Variants in RORA observed in about 807,000 individuals in gnomAD.
RORA encodes nuclear receptor ROR-alpha.
RORA carries 7 observed loss-of-function variants against 69.5 expected under a neutral mutation model. The ratio of observed to expected loss-of-function variants is 0.10; its 90% confidence interval spans 0.06 to 0.19. The LOEUF is 0.19. Among genes scored for constraint, RORA ranks in the 10% least tolerant of loss-of-function variants. RORA has a pLI of 1.00. For missense variants in RORA, 457 were observed against 663.0 expected, an observed-to-expected ratio of 0.69 and a Z score of 3.41; for synonymous variants, 261 against 240.8, an observed-to-expected ratio of 1.08 and a Z score of -0.78.
At chr15:60,981,325 T>C (rs1305307278) in intron 1 of RORA, among the ~76,000 whole-genome samples, 1 of 152,152 alleles carries the variant, frequency 6.6e-6, no homozygotes, top group Admixed American at 6.5e-5. Flanking sequence ...TTCATTGAGC[T>C]TTTTGTATGT....
At chr15:60,515,809 A>G (rs1461177158) in intron 3 of RORA, among the ~76,000 whole-genome samples, 1 of 145,690 alleles carries the variant, frequency 6.9e-6, no homozygotes, top group Non-Finnish European at 1.5e-5. Flanking sequence ...GGCTCAAGCC[A>G]TCCTCCTGCC....
chr15:60,502,721 G>A, intron 8 of RORA, 39 bp downstream of exon 8: 1 of 1,224,144 alleles, frequency 8.2e-7, no homozygotes, highest in Non-Finnish European at 1.2e-6. Flanking sequence ...TTTTCCTATA[G>A]CCCTGATTTG....
At chr15:60,925,420 A>C (rs1892185732) in intron 1 of RORA, among the ~76,000 whole-genome samples, 1 of 152,244 alleles carries the variant, frequency 6.6e-6, no homozygotes, top group African/African-American at 2.4e-5. Context: ...GTTGAGTTAC[A>C]CATATTGTTT....
intron 2 of RORA, among the ~76,000 whole-genome samples, chr15:60,602,534 T>A (rs1203130094): frequency 6.6e-6 from 1 of 152,198 alleles, no homozygotes; most frequent in Non-Finnish European, 1.5e-5. Flanking sequence ...CATGTTAGAT[T>A]TAGGCGTAAC....
intron 1 of RORA, among the ~76,000 whole-genome samples, chr15:60,969,320 G>C (rs923573995): frequency 1.3e-5 from 2 of 152,110 alleles, no homozygotes; most frequent in African/African-American, 2.4e-5. Flanking sequence ...AGGAAATCAT[G>C]GTTTCCTATT....
intron 2 of RORA, among the ~76,000 whole-genome samples, chr15:60,590,527 A>G (rs1346013205): frequency 6.6e-6 from 1 of 152,196 alleles, no homozygotes; most frequent in Non-Finnish European, 1.5e-5. Context: ...CTTTCCTCCA[A>G]TCAACACAAA....
At chr15:61,020,270 C>T (rs961529876) in intron 1 of RORA, among the ~76,000 whole-genome samples, 1 of 152,198 alleles carries the variant, frequency 6.6e-6, no homozygotes, top group Non-Finnish European at 1.5e-5. Context: ...TGTCACTTAA[C>T]ATTCCATCCT....
intron 1 of RORA, among the ~76,000 whole-genome samples, chr15:61,170,953 G>A (rs1289443321): frequency 3.3e-5 from 5 of 152,150 alleles, no homozygotes; most frequent in East Asian, 1.9e-4. Flanking sequence ...CACAATAGTC[G>A]TTTCTGGTAG....
chr15:60,515,993 A>ATATATT (rs2065879747), intron 3 of RORA, among the ~76,000 whole-genome samples: 2 of 6,196 alleles, frequency 3.2e-4, no homozygotes, highest in Non-Finnish European at 2.8e-4. Flanking sequence ...ATATATATTT[A>ATATATT]TATATATTTA....
chr15:60,555,553 G>T (rs2067333391), intron 2 of RORA, among the ~76,000 whole-genome samples: 1 of 152,078 alleles, frequency 6.6e-6, no homozygotes, highest in South Asian at 2.1e-4. Context: ...TTGTTCAAAA[G>T]AATTAGTGGC....
intron 1 of RORA, among the ~76,000 whole-genome samples, chr15:60,965,722 C>T (rs191696530): frequency 7.2e-5 from 11 of 152,234 alleles, no homozygotes; most frequent in Admixed American, 3.3e-4. Flanking sequence ...TGTTTGCAAG[C>T]GCTATTTTTC....
chr15:60,947,135 A>G (rs1247961887), intron 1 of RORA, among the ~76,000 whole-genome samples: 2 of 144,114 alleles, frequency 1.4e-5, no homozygotes, highest in African/African-American at 2.6e-5. Flanking sequence ...CCACCCGGCC[A>G]GCCCCTTCTG....
intron 1 of RORA, among the ~76,000 whole-genome samples, chr15:60,949,562 T>G (rs1381671541): frequency 6.6e-6 from 1 of 152,196 alleles, no homozygotes; most frequent in Non-Finnish European, 1.5e-5. Context: ...CTGCTCCAAT[T>G]GTCGTAGCCT....
At chr15:61,085,293 G>A (rs28693615) in intron 1 of RORA, among the ~76,000 whole-genome samples, 2 of 152,202 alleles carry the variant, frequency 1.3e-5, no homozygotes, top group African/African-American at 4.8e-5. Flanking sequence ...GTGACTAGCA[G>A]AGGTCTGGAC....
At chr15:60,684,412 G>C (rs1189661646) in intron 1 of RORA, among the ~76,000 whole-genome samples, 1 of 152,142 alleles carries the variant, frequency 6.6e-6, no homozygotes, top group Non-Finnish European at 1.5e-5. Context: ...TCAGGCATTT[G>C]AGACCAGCCT....
chr15:60,683,242 C>T (rs561060533), intron 1 of RORA, among the ~76,000 whole-genome samples: 1 of 152,222 alleles, frequency 6.6e-6, no homozygotes, highest in East Asian at 1.9e-4. Flanking sequence ...GAATGCCTGG[C>T]CTCAAGCAAT....
chr15:61,216,469 C>A (rs768678039), intron 1 of RORA, among the ~76,000 whole-genome samples: 1 of 148,122 alleles, frequency 6.8e-6, no homozygotes, highest in African/African-American at 2.5e-5. Context: ...TTGAATGGAA[C>A]CCTTGCAGAC....
intron 1 of RORA, among the ~76,000 whole-genome samples, chr15:60,855,074 G>A (rs925079807): frequency 3.9e-5 from 6 of 152,224 alleles, no homozygotes; most frequent in African/African-American, 1.4e-4. Flanking sequence ...GATTGTGCTT[G>A]TCTGTGTGGC....
intron 1 of RORA, among the ~76,000 whole-genome samples, chr15:60,982,477 G>A (rs2899665): frequency 0.29 from 44,330 of 152,034 alleles, 7,149 homozygotes; most frequent in African/African-American, 0.42. Context: ...TGTTTAGACC[G>A]TGCTCCCTTG....
Sources: gnomAD v4.1 joint callset for allele counts (sites outside exome capture counted in the v4.1 genomes callset) on GRCh38, gnomAD v4.1.1 for gene constraint, MANE v1.5 for transcripts, NCBI Gene and HGNC (gene_info 2026-07-23, HGNC 2026-07-21) for gene names.